Variants in ATXN10 observed in about 807,000 individuals in gnomAD.
The protein encoded by ATXN10 is ataxin 10.
A neutral mutation model predicts 52.9 loss-of-function variants in ATXN10; 28 were observed. The observed-to-expected ratio is 0.53, with a 90% confidence interval of 0.39 to 0.73. The LOEUF is 0.73. Ranked by LOEUF, ATXN10 falls within the 30% of genes least tolerant of loss-of-function variation. The probability of loss-of-function intolerance (pLI) is 0.00; values close to 1 mark genes in which losing one functional copy is unlikely to be tolerated. For missense variants in ATXN10, 565 were observed against 577.0 expected (o/e 0.98, Z 0.21); for synonymous variants, 226 against 221.5 (o/e 1.02, Z -0.18).
rs765838484 is a variant in ATXN10, at chr22:45,695,943, G to C, written c.391+2865G>C. Among the ~76,000 whole-genome samples the C allele has an allele frequency of 8.5e-5, 13 of 152,200 alleles. No homozygotes were observed. The South Asian group carries it at 1.9e-3, about 22-fold the overall frequency. Reference sequence around the variant, plus strand: ...TTGGTTTAATTTCTGTGATTTCCTAGTGTTTTCATTTTAAACTCAGTTTGC... The same window carrying C: ...TTGGTTTAATTTCTGTGATTTCCTACTGTTTTCATTTTAAACTCAGTTTGC... On this transcript the variant is annotated intron_variant, in intron 3 of 11. Coordinates refer to ENST00000252934, the MANE Select transcript of ATXN10 (RefSeq NM_013236.4).
In ATXN10 at chr22:45,677,513, C is replaced by G. The variant is rs1922746810; in HGVS notation, c.116+5334C>G. 1 of 132,070 alleles carries G rather than the reference C, an allele frequency of 7.6e-6. No homozygotes were observed. Among genetic ancestry groups the G allele is most frequent in the Non-Finnish European group, 1.6e-5 (1 of 63,004 alleles). 8.2% of individuals were successfully genotyped at this position (132,070 alleles called of 1,614,324 possible). On this transcript the variant is annotated intron_variant, in intron 1 of 11. Coordinates refer to ENST00000252934, the MANE Select transcript of ATXN10 (RefSeq NM_013236.4). The surrounding 1 kb of genome is among the most constrained non-coding windows in gnomAD (Gnocchi z 4.1). The stretch of plus-strand genomic sequence containing the variant: ...TAAAAAAAAATTCAGGCCAAAAGGT[C>G]TTAAAAAAAAAAAAAAGAAAAGGCA...
chr22:45,701,066 C>G lies in ATXN10; in HGVS notation c.488+688C>G, dbSNP rs746640605. Among the ~76,000 whole-genome samples, 2 of 152,146 alleles carry G rather than the reference C, an allele frequency of 1.3e-5. No individual in the cohort carries two copies. The highest frequency in any genetic ancestry group is 2.9e-5 in the Non-Finnish European group (2 of 68,018). The stretch of plus-strand genomic sequence containing the variant: ...GTCAGTATACCTAGTAGGAAAGGCA[C>G]AGTCTGGGAGTGGGAGACCTGGCTT... On this transcript the variant is annotated intron_variant, in intron 4 of 11. Transcript: ENST00000252934. This position sits in a 1 kb window ranked among gnomAD's most constrained non-coding sequence, Gnocchi z 4.2.
At chr22:45,703,391 G>T (rs916471573) in intron 5 of ATXN10, among the ~76,000 whole-genome samples, 16 of 152,256 alleles carry the variant, frequency 1.1e-4, no homozygotes, top group African/African-American at 3.9e-4. Flanking sequence ...TACTCTTTTT[G>T]GGGTTTCCTC....
At position 45,795,404 on chromosome 22, in the gene ATXN10, TA is replaced by T. The variant is rs1158242607; in HGVS notation, c.1174-11554del. 3.1e-4 allele frequency among the ~76,000 whole-genome samples: 47 copies of T among 150,456 alleles called. No individual in the cohort carries two copies. Among genetic ancestry groups the T allele is most frequent in the Middle Eastern group, 3.4e-3 (1 of 294 alleles). On this transcript the variant is annotated intron_variant, in intron 9 of 11. Coordinates refer to ENST00000252934, the MANE Select transcript of ATXN10 (RefSeq NM_013236.4). This position sits in a 1 kb window ranked among gnomAD's most constrained non-coding sequence, Gnocchi z 4.6. ...TATTCTATTCTATTCTATTCTATTC[TA>T]TTCTATTCTATTCTATTCTTTTTGA...
chr22:45,774,522 C>T lies in ATXN10; in HGVS notation c.1174-32437C>T, dbSNP rs1009693142. ...TAGGAAATTCCAGATGTCCACCTGA[C>T]ACCTCCCTGCCTCTCCAGTCCTGAC... On this transcript the variant is annotated intron_variant, in intron 9 of 11. Coordinates refer to ENST00000252934, the MANE Select transcript of ATXN10 (RefSeq NM_013236.4). This position sits in a 1 kb window ranked among gnomAD's most constrained non-coding sequence, Gnocchi z 6.2. Among the ~76,000 whole-genome samples, 4 of 152,264 alleles carry T rather than the reference C, an allele frequency of 2.6e-5. No homozygotes were observed. Among genetic ancestry groups the T allele is most frequent in the African/African-American group, 7.2e-5 (3 of 41,470 alleles).
chr22:45,713,123 G>A (rs189031804), intron 5 of ATXN10, among the ~76,000 whole-genome samples: 12 of 152,072 alleles, frequency 7.9e-5, no homozygotes, highest in Admixed American at 7.9e-4. Flanking sequence ...CTTTAGGACT[G>A]TCTCTGTTTA....
chr22:45,718,488 A>G lies in ATXN10; in HGVS notation c.723A>G (p.Gln241=), dbSNP rs1283841251. The change falls in exon 6 of 12, where the codon CAA becomes CAG. Residue 241 remains glutamine, a synonymous_variant. Coordinates refer to ENST00000252934, the MANE Select transcript of ATXN10 (RefSeq NM_013236.4). The surrounding 1 kb of genome is among the most constrained non-coding windows in gnomAD (Gnocchi z 4.4). The stretch of plus-strand genomic sequence containing the variant: ...CCATGTTTCCCAAACTGAACAATCA[A>G]GAAAGGTAACCCCCCAACCAGCGTG... ...VQAMFPKLNN[Q]ERVTLLDLMI... is the part of the protein sequence containing the mutation. 2 of 1,613,374 alleles carry G rather than the reference A, an allele frequency of 1.2e-6. No homozygotes were observed. The highest frequency in any genetic ancestry group is 3.3e-5 in the Admixed American group (2 of 59,970).
At chr22:45,830,290 A>G (rs1200021403) in intron 10 of ATXN10, among the ~76,000 whole-genome samples, 1 of 152,340 alleles carries the variant, frequency 6.6e-6, no homozygotes, top group African/African-American at 2.4e-5. Flanking sequence ...TGGATTTGGC[A>G]GTTATTTATT....
At position 45,788,209 on chromosome 22, in the gene ATXN10, A is replaced by T. The variant is rs117302382; in HGVS notation, c.1174-18750A>T. On this transcript the variant is annotated intron_variant, in intron 9 of 11. Coordinates refer to ENST00000252934, the MANE Select transcript of ATXN10 (RefSeq NM_013236.4). Reference sequence around the variant, plus strand: ...ACATAACTGCTCACATTTTCAATGTATAAGAGATGGATAATATATAACTGG... The same window carrying T: ...ACATAACTGCTCACATTTTCAATGTTTAAGAGATGGATAATATATAACTGG... Among the ~76,000 whole-genome samples, 51 of 152,304 alleles carry T rather than the reference A, an allele frequency of 3.3e-4. 1 individual carries two copies. In the East Asian group the frequency reaches 9.8e-3, roughly 29 times the overall value.
chr22:45,773,088 T>C (rs148313843), intron 9 of ATXN10, among the ~76,000 whole-genome samples: 169 of 152,284 alleles, frequency 1.1e-3, no homozygotes, highest in African/African-American at 3.7e-3. Context: ...GTGTATAACA[T>C]GTGGTGGGGG....
In ATXN10 at chr22:45,696,421, C is replaced by T. The variant is rs1416381949; in HGVS notation, c.391+3343C>T. 1.3e-5 allele frequency among the ~76,000 whole-genome samples: 2 copies of T among 152,162 alleles called. No individual in the cohort carries two copies. Among genetic ancestry groups the T allele is most frequent in the Non-Finnish European group, 2.9e-5 (2 of 68,026 alleles). ...CTGTGGTGGGCGGAAGGAGGTTTCTCTTTTAATGATATATGCTAAATAAAG... is the reference window on the plus strand; with the variant it reads ...CTGTGGTGGGCGGAAGGAGGTTTCTTTTTTAATGATATATGCTAAATAAAG... On this transcript the variant is annotated intron_variant, in intron 3 of 11. Transcript: ENST00000252934. This position sits in a 1 kb window ranked among gnomAD's most constrained non-coding sequence, Gnocchi z 4.7.
intron 8 of ATXN10, among the ~76,000 whole-genome samples, 163 bp downstream of exon 8, chr22:45,739,002 C>T (rs1425098967): frequency 6.6e-6 from 1 of 152,122 alleles, no homozygotes; most frequent in East Asian, 1.9e-4. Flanking sequence ...TCAGGCAGGC[C>T]AGATAAACCT....
At chr22:45,716,716 C>G (rs1317399921) in intron 5 of ATXN10, among the ~76,000 whole-genome samples, 1 of 151,824 alleles carries the variant, frequency 6.6e-6, no homozygotes, top group East Asian at 1.9e-4. Context: ...AAAAGAAGAG[C>G]ATAGTAAGTC....
Position 45,833,866 on chromosome 22 carries a change from A to G in ATXN10, c.1238-9125A>G, listed in dbSNP as rs1357372953. Among the ~76,000 whole-genome samples, 1 of 152,206 alleles carries G rather than the reference A, an allele frequency of 6.6e-6. No individual in the cohort carries two copies. Among genetic ancestry groups the G allele is most frequent in the Admixed American group, 6.5e-5 (1 of 15,290 alleles). On this transcript the variant is annotated intron_variant, in intron 10 of 11. Transcript: ENST00000252934. This position sits in a 1 kb window ranked among gnomAD's most constrained non-coding sequence, Gnocchi z 4.3. ...AGAGCACACTTAGCAGCGATACGGCATCGCGATCAGGGGAGCGGATGCCAG... is the reference window on the plus strand; with the variant it reads ...AGAGCACACTTAGCAGCGATACGGCGTCGCGATCAGGGGAGCGGATGCCAG...
intron 7 of ATXN10, chr22:45,734,472 G>T (rs890931248): frequency 5.5e-6 from 1 of 181,488 alleles, no homozygotes; most frequent in South Asian, 8.4e-5. Flanking sequence ...CCTTGTAGTC[G>T]TTTTTTGTTT....
intron 10 of ATXN10, among the ~76,000 whole-genome samples, chr22:45,832,395 G>T (rs1247507275): frequency 6.6e-6 from 1 of 152,160 alleles, no homozygotes; most frequent in Non-Finnish European, 1.5e-5. Flanking sequence ...CTCTCCAGGG[G>T]TCTGGCTTCT....
intron 1 of ATXN10, chr22:45,673,553 A>G (rs1419037996): frequency 6.6e-6 from 1 of 152,246 alleles, no homozygotes; most frequent in Non-Finnish European, 1.5e-5. Flanking sequence ...TTAATAACCC[A>G]GTCATCAACC....
chr22:45,785,440 T>TA (rs1294993964), intron 9 of ATXN10, among the ~76,000 whole-genome samples: 1 of 152,252 alleles, frequency 6.6e-6, no homozygotes, highest in Admixed American at 6.5e-5. Context: ...TCAGCTAGTT[T>TA]AAAGTTCTTT....
rs181787895 is a variant in ATXN10 at position 45,825,354 on chromosome 22, G to A, written c.1238-17637G>A. Among the ~76,000 whole-genome samples the A allele has an allele frequency of 2.6e-5, 4 of 152,180 alleles. No individual in the cohort carries two copies. Among genetic ancestry groups the A allele is most frequent in the Non-Finnish European group, 5.9e-5 (4 of 68,014 alleles). ...TTTCTTTTGCATCTTTTGGGAACCA[G>A]GCATTAAATACTAGGACATTGAAAA... On this transcript the variant is annotated intron_variant, in intron 10 of 11. Coordinates refer to ENST00000252934, the MANE Select transcript of ATXN10 (RefSeq NM_013236.4). This position sits in a 1 kb window ranked among gnomAD's most constrained non-coding sequence, Gnocchi z 4.5.
Sources: allele counts gnomAD v4.1 joint callset (sites outside exome capture counted in the v4.1 genomes callset), GRCh38; gene constraint gnomAD v4.1.1; non-coding constraint Gnocchi (gnomAD v3.1); transcripts MANE v1.5; gene names NCBI Gene and HGNC (gene_info 2026-07-23, HGNC 2026-07-21).